Variants in PACS2 observed in about 807,000 individuals in gnomAD.
PACS2 encodes phosphofurin acidic cluster sorting protein 2.
In PACS2, 36 loss-of-function variants were observed where a neutral mutation model predicts 113.0. The ratio of observed to expected loss-of-function variants is 0.32; its 90% confidence interval spans 0.24 to 0.42. The LOEUF (loss-of-function observed/expected upper bound fraction) is 0.42. Among genes scored for constraint, PACS2 ranks in the 10% least tolerant of loss-of-function variants. The pLI is 1.00. For synonymous variants in PACS2, 589 were observed against 536.1 expected (o/e 1.10, Z -1.36); for missense variants, 1,015 against 1,239.5 (o/e 0.82, Z 2.72).
Position 105,315,874 on chromosome 14 carries a change from C to T in PACS2, c.119+837C>T, listed in dbSNP as rs2140770605. Among the ~76,000 whole-genome samples, 1 of 152,350 alleles carries T rather than the reference C, an allele frequency of 6.6e-6. No individual in the cohort carries two copies. Among genetic ancestry groups the T allele is most frequent in the South Asian group, 2.1e-4 (1 of 4,830 alleles). ...GGAAAAGTTCTGGTTCTAGAATAGA[C>T]AGCAGGCGAGAAGAGGAGGCGGTTG... On this transcript the variant is annotated intron_variant, in intron 1 of 24. Coordinates refer to ENST00000447393, the MANE Select transcript of PACS2 (RefSeq NM_001100913.3). This position sits in a 1 kb window ranked among gnomAD's most constrained non-coding sequence, Gnocchi z 4.4.
chr14:105,364,858 G>A (rs923422039), intron 4 of PACS2, among the ~76,000 whole-genome samples: 19 of 151,904 alleles, frequency 1.3e-4, no homozygotes, highest in Non-Finnish European at 2.4e-4. Context: ...ACCATGCCCA[G>A]CTAATTTTTT....
At chr14:105,341,559 G>C (rs1281630126) in intron 1 of PACS2, among the ~76,000 whole-genome samples, 1 of 152,216 alleles carries the variant, frequency 6.6e-6, no homozygotes, top group Admixed American at 6.5e-5. Flanking sequence ...TCTTTGTTAT[G>C]ATTCTCTCAG....
intron 3 of PACS2, among the ~76,000 whole-genome samples, 155 bp downstream of exon 3, chr14:105,352,622 C>T (rs1284094697): frequency 1.4e-5 from 2 of 142,254 alleles, no homozygotes; most frequent in African/African-American, 5.3e-5. Flanking sequence ...GAGACGGGCA[C>T]GCCTCATCAC....
rs892288880 is a variant in PACS2, at chr14:105,354,393, C to T, written c.298-659C>T. ...CCGGGATTACAGGTGTGAGCCACCG[C>T]GCCTGGCCCAATGCTCCATGGTTCA... On this transcript the variant is annotated intron_variant, in intron 3 of 24. Transcript: ENST00000447393. The surrounding 1 kb of genome is among the most constrained non-coding windows in gnomAD (Gnocchi z 4.2). Among the ~76,000 whole-genome samples the T allele has an allele frequency of 6.6e-6, 1 of 152,186 alleles. No individual in the cohort carries two copies. Among genetic ancestry groups the T allele is most frequent in the Non-Finnish European group, 1.5e-5 (1 of 68,034 alleles).
chr14:105,320,177 C>T (rs587703575), intron 1 of PACS2, among the ~76,000 whole-genome samples: 22 of 151,990 alleles, frequency 1.4e-4, no homozygotes, highest in Non-Finnish European at 2.5e-4. Context: ...GGGGTTTCAC[C>T]GTGTTGGCCA....
chr14:105,313,692 T>C (rs1356841108), upstream of PACS2, among the ~76,000 whole-genome samples: 1 of 152,230 alleles, frequency 6.6e-6, no homozygotes, highest in Non-Finnish European at 1.5e-5. Context: ...TGGATTTGTT[T>C]CAGTAAAACT....
At chr14:105,331,542 A>G (rs1309314752) in intron 1 of PACS2, among the ~76,000 whole-genome samples, 3 of 152,146 alleles carry the variant, frequency 2.0e-5, no homozygotes, top group Admixed American at 6.5e-5. Context: ...TCAGCCTCCT[A>G]AAGTGCTGGG....
chr14:105,370,391 C>T (rs1274971655), intron 8 of PACS2: 3 of 148,720 alleles, frequency 2.0e-5, no homozygotes, highest in African/African-American at 5.1e-5. Flanking sequence ...GAATTTTCTA[C>T]AATGAGCTTG....
Position 105,383,345 on chromosome 14 carries a change from C to T in PACS2, c.1626-14C>T, listed in dbSNP as rs2141250782. On this transcript the variant is annotated splice_polypyrimidine_tract_variant and intron_variant, in intron 15 of 24. Coordinates refer to ENST00000447393, the MANE Select transcript of PACS2 (RefSeq NM_001100913.3). ...GTCTGTCCCCTCTCCGTCCCACCTG[C>T]CTCTGGATTGCAGCTGCAACTGCAA... 6.2e-7 allele frequency: 1 copy of T among 1,605,300 alleles called. No homozygotes were observed. The highest frequency in any genetic ancestry group is 8.5e-7 in the Non-Finnish European group (1 of 1,179,850).
chr14:105,318,522 C>T (rs587717545), intron 1 of PACS2, among the ~76,000 whole-genome samples: 9 of 152,202 alleles, frequency 5.9e-5, no homozygotes, highest in South Asian at 2.1e-4. Flanking sequence ...GGTGCAATCT[C>T]GGCTCACTGC....
At chr14:105,393,592 G>GT (rs1566974466) in intron 24 of PACS2, 4,379 of 407,070 alleles carry the variant, frequency 0.011, 194 homozygotes, top group African/African-American at 0.087. Context: ...TTTTTGTTTT[G>GT]GTTTTTTTTT....
rs2081495442 is a variant in PACS2 at position 105,395,069 on chromosome 14, C to T, written c.*397C>T. The T allele has an allele frequency of 8.9e-6, 2 of 223,960 alleles. No individual in the cohort carries two copies. The highest frequency in any genetic ancestry group is 1.8e-5 in the Non-Finnish European group (2 of 110,884). 13.9% of individuals were successfully genotyped at this position (223,960 alleles called of 1,614,324 possible). On this transcript the variant is annotated 3_prime_UTR_variant, in exon 25 of 25. Transcript: ENST00000447393. Reference sequence around the variant, plus strand: ...GAGCTCAGTGGCCACAGGCCGAGGGCCATGGGGCCGCTCAGTCCCGTTGGG... The same window carrying T: ...GAGCTCAGTGGCCACAGGCCGAGGGTCATGGGGCCGCTCAGTCCCGTTGGG...
At chr14:105,307,674 C>G (rs1391174021) in intron 1 of PACS2, among the ~76,000 whole-genome samples, 1 of 152,248 alleles carries the variant, frequency 6.6e-6, no homozygotes, top group Non-Finnish European at 1.5e-5. Context: ...ACCTTCTCAC[C>G]TGCTGCCTGG....
intron 24 of PACS2, chr14:105,393,671 C>G (rs2081442787): frequency 1.5e-5 from 3 of 198,692 alleles, no homozygotes; most frequent in South Asian, 1.9e-4. Context: ...CTCACTGCAA[C>G]TTCCATCTCT....
At chr14:105,362,203 GGT>G (rs1397094452) in intron 4 of PACS2, among the ~76,000 whole-genome samples, 51 of 151,894 alleles carry the variant, frequency 3.4e-4, no homozygotes, top group African/African-American at 1.2e-3. Context: ...CGGATCACGA[GGT>G]CAGGAGATCA....
Position 105,324,885 on chromosome 14 carries a change from A to G in PACS2, c.119+9848A>G, listed in dbSNP as rs2059038306. On this transcript the variant is annotated intron_variant, in intron 1 of 24. Transcript: ENST00000447393. The surrounding 1 kb of genome is among the most constrained non-coding windows in gnomAD (Gnocchi z 4.7). ...GGGTGCAGATGCCGCTCAACAGAGGAGTCAGGACCCAAAAGGGGCAGAAAT... is the reference window on the plus strand; with the variant it reads ...GGGTGCAGATGCCGCTCAACAGAGGGGTCAGGACCCAAAAGGGGCAGAAAT... Among the ~76,000 whole-genome samples the G allele has an allele frequency of 6.6e-6, 1 of 151,966 alleles. No individual in the cohort carries two copies. The highest frequency in any genetic ancestry group is 2.4e-5 in the African/African-American group (1 of 41,382).
At chr14:105,367,708 C>T (rs186200783) in intron 5 of PACS2, among the ~76,000 whole-genome samples, 5 of 152,358 alleles carry the variant, frequency 3.3e-5, no homozygotes, top group South Asian at 2.1e-4. Flanking sequence ...CCACAGCTGC[C>T]GCCACCCCAG....
chr14:105,383,389 C>G lies in PACS2; in HGVS notation c.1656C>G (p.Pro552=), dbSNP rs782154081. The change falls in exon 16 of 25, where the codon CCC becomes CCG. Residue 552 remains proline, a synonymous_variant. Coordinates refer to ENST00000447393, the MANE Select transcript of PACS2 (RefSeq NM_001100913.3). ...ACTGCAATTCCCAGCCCCCGACCCC[C>G]GTGAAGATCGCCGTGGCGGGAGCGC... The part of the protein sequence containing the change: ...YCNCNSQPPT[P]VKIAVAGAQH... 3.7e-6 allele frequency: 6 copies of G among 1,608,988 alleles called. No individual in the cohort carries two copies. The highest frequency in any genetic ancestry group is 4.2e-6 in the Non-Finnish European group (5 of 1,179,968).
intron 1 of PACS2, among the ~76,000 whole-genome samples, chr14:105,319,894 A>G (rs1350059826): frequency 6.6e-6 from 1 of 152,242 alleles, no homozygotes; most frequent in African/African-American, 2.4e-5. Flanking sequence ...TGGATGTTGA[A>G]TATAATCAAG....
Sources: allele counts gnomAD v4.1 joint callset (sites outside exome capture counted in the v4.1 genomes callset), GRCh38; gene constraint gnomAD v4.1.1; non-coding constraint Gnocchi (gnomAD v3.1); transcripts MANE v1.5; gene names NCBI Gene and HGNC (gene_info 2026-07-23, HGNC 2026-07-21).